Variants in NPRL3 observed in about 807,000 individuals in gnomAD.
NPRL3 encodes GATOR1 complex protein NPRL3.
NPRL3 carries 23 observed loss-of-function variants against 57.2 expected under a neutral mutation model. The observed-to-expected ratio is 0.40, with a 90% CI of 0.29 to 0.57. NPRL3 has a LOEUF of 0.57. Ranked by LOEUF, NPRL3 falls within the 20% of genes least tolerant of loss-of-function variation. NPRL3 has a pLI of 0.42. For missense variants in NPRL3, 691 were observed against 767.1 expected (o/e 0.90, Z 1.17); for synonymous variants, 333 against 321.1 (o/e 1.04, Z -0.39).
chr16:87,402 TTC>T (rs572768655), intron 13 of NPRL3, among the ~76,000 whole-genome samples: 83 of 152,026 alleles, frequency 5.5e-4, no homozygotes, highest in African/African-American at 1.8e-3. Flanking sequence ...CCTGGCTAAT[TTC>T]TCTCTTTTTT....
intron 9 of NPRL3, among the ~76,000 whole-genome samples, chr16:96,971 G>A (rs897255153): frequency 6.9e-6 from 1 of 145,476 alleles, no homozygotes; most frequent in Non-Finnish European, 1.5e-5. Flanking sequence ...GCTAAGCAGA[G>A]ACCTGTTTCA....
chr16:86,964 C>T, intron 13 of NPRL3, 94 bp from the exon 14 acceptor site: 1 of 1,313,150 alleles, frequency 7.6e-7, no homozygotes, highest in African/African-American at 1.4e-5. Context: ...CTGAGCTGCC[C>T]ACAGGCCTGA....
rs756009039 is a variant in NPRL3 at position 86,847 on chromosome 16, C to T, written c.1568G>A (p.Arg523His). The change falls in exon 14 of 14, where the codon CGC (arginine) becomes CAC (histidine). Residue 523 changes from arginine (R) to histidine (H), a missense_variant. Physicochemically the swap from Arg to His is conservative, Grantham distance 29 (BLOSUM62 0). Transcript: ENST00000611875. ...GTACATAATCTCCTCCAGGTGGTGGCGGCCGCGGAAGTAGTGAAGGAGCCT... is the reference window on the plus strand; with the variant it reads ...GTACATAATCTCCTCCAGGTGGTGGTGGCCGCGGAAGTAGTGAAGGAGCCT... The part of the protein sequence containing the change: ...FARLLHYFRG[R>H]HHLEEIMYNE... The T allele has an allele frequency of 6.8e-6, 11 of 1,613,002 alleles. No homozygotes were observed. The highest frequency in any genetic ancestry group is 5.3e-5 in the African/African-American group (4 of 74,926).
At chr16:107,750 C>T (rs1337731547) in intron 7 of NPRL3, among the ~76,000 whole-genome samples, 1 of 152,208 alleles carries the variant, frequency 6.6e-6, no homozygotes, top group Admixed American at 6.5e-5. Flanking sequence ...CAAGCTCGAA[C>T]TCCTGGGCTC....
At chr16:88,553 T>C (rs1898604444) in intron 13 of NPRL3, 145 bp downstream of exon 13, 1 of 770,900 alleles carries the variant, frequency 1.3e-6, no homozygotes, top group African/African-American at 1.7e-5. Flanking sequence ...CACCTGCCCC[T>C]ACACACCTGA....
At chr16:119,904 G>T (rs544863271) in intron 3 of NPRL3, among the ~76,000 whole-genome samples, 12 of 152,362 alleles carry the variant, frequency 7.9e-5, no homozygotes, top group African/African-American at 2.4e-4. Flanking sequence ...GAAATACCAG[G>T]TTGCACACAA....
At chr16:100,782 A>C (rs755841839) in intron 7 of NPRL3, among the ~76,000 whole-genome samples, 236 of 2,158 alleles carry the variant, frequency 0.11, 1 homozygote, top group African/African-American at 0.39. Context: ...AGCCTGGCTA[A>C]TAACACGGTG....
intron 11 of NPRL3, chr16:90,326 C>T (rs767455206): frequency 1.6e-5 from 3 of 189,512 alleles, no homozygotes; most frequent in Non-Finnish European, 3.2e-5. Context: ...TCCACACAAG[C>T]CCAGACACTG....
At position 89,784 on chromosome 16, in the gene NPRL3, T is replaced by C; in HGVS notation, c.1280A>G (p.Asp427Gly). Reference protein sequence around the residue: ...SEEEPRPREDDVPFTARVGGR... With the variant: ...SEEEPRPREDGVPFTARVGGR... Reference sequence around the variant, plus strand: ...GCCGACCCGGGCAGTGAAGGGGACGTCGTCCTCTCGCGGACGGGGCTCCTC... The same window carrying C: ...GCCGACCCGGGCAGTGAAGGGGACGCCGTCCTCTCGCGGACGGGGCTCCTC... The change falls in exon 12 of 14, where the codon GAC (aspartate) becomes GGC (glycine). Residue 427 changes from aspartate to glycine, a missense_variant. By Grantham distance (94) the Asp-to-Gly change is moderately conservative (BLOSUM62 -1). Transcript: ENST00000611875. 4 of 1,601,350 alleles carry C rather than the reference T, an allele frequency of 2.5e-6. No individual in the cohort carries two copies. The highest frequency in any genetic ancestry group is 3.4e-6 in the Non-Finnish European group (4 of 1,175,498).
In NPRL3 at chr16:112,762, G is replaced by T. The variant is rs547462000; in HGVS notation, c.407C>A (p.Pro136Gln). ...GTTATGCAGACAGTTTATCACTGAC[G>T]GGTCTGCGTTGGCCTGCAGGAGAGA... ...VVFALRANAD[P>Q]SVINCLHNLS... The change falls in exon 6 of 14, where the codon CCG becomes CAG. Residue 136 changes from proline to glutamine, a missense_variant. By Grantham distance (76) the Pro-to-Gln change is moderately conservative. Coordinates refer to ENST00000611875, the MANE Select transcript of NPRL3 (RefSeq NM_001077350.3). The T allele has an allele frequency of 2.5e-6, 4 of 1,602,724 alleles. No homozygotes were observed. The highest frequency in any genetic ancestry group is 1.1e-5 in the South Asian group (1 of 90,210).
Position 124,750 on chromosome 16 carries a change from T to C in NPRL3, c.189-5495A>G, listed in dbSNP as rs1900438845. Reference sequence around the variant, plus strand: ...TCAGAAAACATCTGGGCTTTTGCACTACCTGAGTTGAGATTTTTAGAAACA... The same window carrying C: ...TCAGAAAACATCTGGGCTTTTGCACCACCTGAGTTGAGATTTTTAGAAACA... On this transcript the variant is annotated intron_variant, in intron 3 of 13. Transcript: ENST00000611875. 2.6e-5 allele frequency among the ~76,000 whole-genome samples: 4 copies of C among 152,224 alleles called. No homozygotes were observed. The South Asian group carries it at 8.3e-4, about 32-fold the overall frequency.
In NPRL3 at chr16:93,229, T is replaced by G. The variant is rs1436595621; in HGVS notation, c.1021A>C (p.Ser341Arg). 12 of 1,553,282 alleles carry G rather than the reference T, an allele frequency of 7.7e-6. No individual in the cohort carries two copies. In the East Asian group the frequency reaches 2.9e-4, roughly 38 times the overall value. Residue 341 changes from serine (S) to arginine (R), a missense_variant, in exon 10 of 14, where the codon AGC (serine) becomes CGC (arginine). Ser to Arg is a moderately radical substitution (Grantham distance 110). Transcript: ENST00000611875. Reference protein sequence around the residue: ...NNVYMLSPNASVCLYSPLAEQ... With the variant: ...NNVYMLSPNARVCLYSPLAEQ... ...GCCAGCAGCACTCACAGACATACGC[T>G]GGCATTGGGAGACAGCATGTAGACG...
intron 5 of NPRL3, among the ~76,000 whole-genome samples, chr16:116,145 C>T (rs1192394331): frequency 2.0e-5 from 3 of 150,656 alleles, no homozygotes; most frequent in East Asian, 1.9e-4. Context: ...CACTATTCCC[C>T]GAGGTGAGGG....
rs1025627310 is a variant in NPRL3, at chr16:98,072, G to T, written c.924+73C>A. On this transcript the variant is annotated intron_variant, in intron 9 of 13. Coordinates refer to ENST00000611875, the MANE Select transcript of NPRL3 (RefSeq NM_001077350.3). ...TGGACACAGCCCCTGTGGATGTACTGTGGCAGGCGGCCTGCCTTTCCTGAT... is the reference window on the plus strand; with the variant it reads ...TGGACACAGCCCCTGTGGATGTACTTTGGCAGGCGGCCTGCCTTTCCTGAT... The T allele has an allele frequency of 3.2e-6, 5 of 1,547,700 alleles. No individual in the cohort carries two copies. The African/African-American group carries it at 6.8e-5, about 21-fold the overall frequency.
At chr16:99,645 A>G (rs1420336598) in intron 8 of NPRL3, among the ~76,000 whole-genome samples, 1 of 151,748 alleles carries the variant, frequency 6.6e-6, no homozygotes, top group Non-Finnish European at 1.5e-5. Context: ...CAAAAAAAAA[A>G]AAAAAAAAGT....
chr16:123,371 G>C (rs1263305245), intron 3 of NPRL3: 7 of 402,262 alleles, frequency 1.7e-5, no homozygotes, highest in African/African-American at 1.0e-4. Flanking sequence ...GGGGGAACTG[G>C]GGCAGTGAGG....
At chr16:89,006 G>A in intron 12 of NPRL3, 116 bp from the exon 13 acceptor site, 1 of 905,914 alleles carries the variant, frequency 1.1e-6, no homozygotes, top group Non-Finnish European at 1.7e-6. Flanking sequence ...CAAGGGTTAG[G>A]GTACATCTGC....
intron 9 of NPRL3, among the ~76,000 whole-genome samples, chr16:97,081 T>C (rs1434972750): frequency 6.6e-6 from 1 of 152,204 alleles, no homozygotes; most frequent in Non-Finnish European, 1.5e-5. Flanking sequence ...GTGGCCATGC[T>C]GTGCACACCG....
intron 8 of NPRL3, among the ~76,000 whole-genome samples, chr16:99,533 C>T (rs1206235430): frequency 6.6e-6 from 1 of 151,008 alleles, no homozygotes; most frequent in East Asian, 1.9e-4. Context: ...ATCCCAGCTA[C>T]TCAGGGGGCT....
Sources: gnomAD v4.1 joint callset for allele counts (sites outside exome capture counted in the v4.1 genomes callset) on GRCh38, gnomAD v4.1.1 for gene constraint, MANE v1.5 for transcripts, NCBI Gene and HGNC (gene_info 2026-07-23, HGNC 2026-07-21) for gene names.